The following DOK7 variants were observed in gnomAD, a reference collection of about 807,000 sequenced individuals.
DOK7 encodes the protein protein Dok-7.
In DOK7, 32 loss-of-function variants were observed where a neutral mutation model predicts 30.7. The observed-to-expected ratio is 1.04, with a 90% confidence interval of 0.79 to 1.40. DOK7 has a LOEUF of 1.40. DOK7 is among the 40% of genes most tolerant of loss of function. The pLI is 0.00. For synonymous variants in DOK7, 447 were observed against 324.1 expected, an observed-to-expected ratio of 1.38 and a Z score of -4.07; for missense variants, 1,007 against 699.2, an observed-to-expected ratio of 1.44 and a Z score of -4.97.
At chr4:3,497,494 G>A (rs561046412), downstream of DOK7, among the ~76,000 whole-genome samples, 3 of 152,178 alleles carry the variant, frequency 2.0e-5, no homozygotes, top group Admixed American at 6.5e-5. Flanking sequence ...ACAGAGCCCT[G>A]CTGAAGGTTG....
intron 7 of DOK7, chr4:3,500,584 C>G (rs1729140128): frequency 6.6e-7 from 1 of 1,514,294 alleles, no homozygotes; most frequent in African/African-American, 1.4e-5. Flanking sequence ...GAGGGTGTCC[C>G]CACTCAGATG....
intron 5 of DOK7, among the ~76,000 whole-genome samples, chr4:3,486,563 C>T (rs1485620220): frequency 6.6e-6 from 1 of 152,224 alleles, no homozygotes; most frequent in Non-Finnish European, 1.5e-5. Flanking sequence ...GCCCCCTGCC[C>T]ACACCAGCAA....
intron 2 of DOK7, among the ~76,000 whole-genome samples, chr4:3,469,221 G>A (rs1236772071): frequency 1.3e-5 from 2 of 151,980 alleles, no homozygotes; most frequent in East Asian, 3.9e-4. Flanking sequence ...CTCTGTGTGA[G>A]TGTGCGTGTG....
intron 5 of DOK7, among the ~76,000 whole-genome samples, chr4:3,489,146 G>A (rs1728002298): frequency 6.6e-6 from 1 of 152,156 alleles, no homozygotes; most frequent in Non-Finnish European, 1.5e-5. Context: ...GGGGCCGAGG[G>A]TCCGCAGACC....
At chr4:3,496,908 G>C, downstream of DOK7, 1 of 1,527,440 alleles carries the variant, frequency 6.5e-7, no homozygotes, top group Non-Finnish European at 8.8e-7. Flanking sequence ...ACAGGAAGGC[G>C]GGAGTCTGGG....
chr4:3,487,836 T>C (rs1727911911), intron 5 of DOK7, among the ~76,000 whole-genome samples: 1 of 152,226 alleles, frequency 6.6e-6, no homozygotes, highest in Non-Finnish European at 1.5e-5. Context: ...AGGGTGGCCC[T>C]GGTCGGAATG....
Position 3,493,586 on chromosome 4 carries a change from C to G in DOK7, c.*85C>G. On this transcript the variant is annotated 3_prime_UTR_variant, in exon 7 of 7. Coordinates refer to ENST00000340083, the MANE Select transcript of DOK7 (RefSeq NM_173660.5). The stretch of plus-strand genomic sequence containing the variant: ...GAAGTGGCGCCAGCCTCCTTGCAGA[C>G]TGGTGCTCTGTGTTCTGTGGGAGGG... 6.4e-7 allele frequency: 1 copy of G among 1,552,744 alleles called. No individual in the cohort carries two copies. Among genetic ancestry groups the G allele is most frequent in the Non-Finnish European group, 8.7e-7 (1 of 1,148,482 alleles).
intron 5 of DOK7, among the ~76,000 whole-genome samples, chr4:3,486,449 G>T (rs558577722): frequency 8.5e-5 from 13 of 152,366 alleles, no homozygotes; most frequent in African/African-American, 3.1e-4. Context: ...CCTGGCACTG[G>T]CACCCCCGCC....
chr4:3,470,972 G>A (rs914361608), intron 2 of DOK7, among the ~76,000 whole-genome samples: 3 of 152,228 alleles, frequency 2.0e-5, no homozygotes, highest in Non-Finnish European at 4.4e-5. Flanking sequence ...AGAGCCACAG[G>A]GGAGGAAAGG....
intron 6 of DOK7, among the ~76,000 whole-genome samples, chr4:3,490,471 TC>T (rs1728246621): frequency 9.3e-6 from 1 of 107,912 alleles, no homozygotes; most frequent in African/African-American, 3.5e-5. Context: ...TCCTTTCTTC[TC>T]CCTCTGCTCA....
rs1485190324 is a variant in DOK7 at position 3,500,239 on chromosome 4, CTCCCCCCACAGGA to C, written c.1109-6_1115del. 6.5e-7 allele frequency: 1 copy of C among 1,534,444 alleles called. No individual in the cohort carries two copies. The highest frequency in any genetic ancestry group is 8.7e-7 in the Non-Finnish European group (1 of 1,145,828). ...GGTCCCCACCGGGGCTTCACAGCCG[CTCCCCCCACAGGA>C]TCCCCAGGACCCGTGGCTGTGGACA... On this transcript the variant is annotated splice_acceptor_variant and splice_polypyrimidine_tract_variant and coding_sequence_variant and intron_variant, in exon 7 of 8. Coordinates refer to the DOK7 transcript ENST00000643608. LOFTEE classifies it high-confidence loss of function.
chr4:3,482,649 A>G (rs1331637228), intron 4 of DOK7, among the ~76,000 whole-genome samples: 2 of 152,180 alleles, frequency 1.3e-5, no homozygotes, highest in Non-Finnish European at 2.9e-5. Context: ...CTGCAGTCAC[A>G]CCTGTGTGAT....
At chr4:3,468,356 G>A (rs1344248121) in intron 2 of DOK7, among the ~76,000 whole-genome samples, 2 of 152,012 alleles carry the variant, frequency 1.3e-5, no homozygotes, top group Non-Finnish European at 2.9e-5. Flanking sequence ...ATGCTTGTCT[G>A]TGTGCGTGTG....
chr4:3,489,961 C>T (rs577023216), intron 6 of DOK7, among the ~76,000 whole-genome samples, 165 bp downstream of exon 6: 11 of 147,094 alleles, frequency 7.5e-5, no homozygotes, highest in East Asian at 2.0e-4. Context: ...CCGCCCCGCC[C>T]GCTACTCATT....
intron 2 of DOK7, among the ~76,000 whole-genome samples, chr4:3,467,484 C>T (rs1266640973): frequency 2.7e-5 from 4 of 146,816 alleles, no homozygotes; most frequent in Admixed American, 6.8e-5. Context: ...CCTCCCCAAC[C>T]CAAGTCCCAG....
intron 4 of DOK7, 53 bp downstream of exon 4, chr4:3,476,595 CT>C: frequency 3.1e-6 from 5 of 1,608,644 alleles, no homozygotes; most frequent in Non-Finnish European, 4.3e-6. Context: ...CCCACTTCCC[CT>C]GAGAACTGCT....
At chr4:3,496,343 C>T (rs1476344330), downstream of DOK7, among the ~76,000 whole-genome samples, 1 of 152,234 alleles carries the variant, frequency 6.6e-6, no homozygotes, top group African/African-American at 2.4e-5. Context: ...CCTGCGGAGC[C>T]TTCCCCACCA....
intron 2 of DOK7, 134 bp downstream of exon 2, chr4:3,463,685 A>ACCCG (rs1726109729): frequency 8.4e-7 from 1 of 1,189,650 alleles, no homozygotes; most frequent in Admixed American, 2.1e-5. Context: ...CCCCGTGCGG[A>ACCCG]CCCGGACCCC....
intron 6 of DOK7, among the ~76,000 whole-genome samples, chr4:3,491,806 G>C (rs1178269426): frequency 6.6e-6 from 1 of 152,240 alleles, no homozygotes; most frequent in Admixed American, 6.5e-5. Flanking sequence ...TTGCCATTGT[G>C]GGGAGAGGTG....
Sources: gnomAD v4.1 joint callset for allele counts (sites outside exome capture counted in the v4.1 genomes callset) on GRCh38, gnomAD v4.1.1 for gene constraint, MANE v1.5 for transcripts, NCBI Gene and HGNC (gene_info 2026-07-23, HGNC 2026-07-21) for gene names.